SLC12A4: variants seen among roughly 807,000 people sequenced by gnomAD.
SLC12A4 encodes the protein electroneutral potassium-chloride cotransporter 1.
In SLC12A4, 84 loss-of-function variants were observed where a neutral mutation model predicts 119.2. The observed-to-expected ratio is 0.70, with a 90% confidence interval of 0.59 to 0.85. The LOEUF (loss-of-function observed/expected upper bound fraction) is 0.85. SLC12A4 is among the 40% of genes least tolerant of loss of function. SLC12A4 has a pLI of 0.00. For synonymous variants in SLC12A4, 599 were observed against 604.6 expected, an observed-to-expected ratio of 0.99 and a Z score of 0.14; for missense variants, 1,298 against 1,476.3, an observed-to-expected ratio of 0.88 and a Z score of 1.98.
chr16:67,954,726 C>T lies in SLC12A4; in HGVS notation c.592G>A (p.Gly198Arg). 1 of 1,614,190 alleles carries T rather than the reference C, an allele frequency of 6.2e-7. No individual in the cohort carries two copies. The highest frequency in any genetic ancestry group is 8.5e-7 in the Non-Finnish European group (1 of 1,180,038). Residue 198 changes from glycine to arginine, a missense_variant, in exon 6 of 24, where the codon GGA (glycine) becomes AGA (arginine). Physicochemically the swap from Gly to Arg is moderately radical, Grantham distance 125. Coordinates refer to ENST00000316341, the MANE Select transcript of SLC12A4 (RefSeq NM_005072.5). ...MISRSLGPEF[G>R]GAVGLCFYLG... ...TAGAAGCACAGGCCCACAGCACCTC[C>T]AAATTCTGGCCCCAGTGAACGAGAG...
rs141986035 is a variant in SLC12A4, at chr16:67,947,074, C to T, written c.2104G>A (p.Glu702Lys). ...CGCGGGTACTTCACGTGGAGGTCCT[C>T]GTCCAGCTTCAGCAGCACCAGCAGC... is the stretch of plus-strand genomic sequence containing the variant. The part of the protein sequence containing the change: ...PQLLVLLKLD[E>K]DLHVKYPRLL... The change falls in exon 17 of 24, where the codon GAG (glutamate) becomes AAG (lysine). Residue 702 changes from glutamate to lysine, a missense_variant. Coordinates refer to ENST00000316341, the MANE Select transcript of SLC12A4 (RefSeq NM_005072.5). 136 of 1,606,816 alleles carry T rather than the reference C, an allele frequency of 8.5e-5. No individual in the cohort carries two copies. The African/African-American group carries it at 1.3e-3, about 15-fold the overall frequency.
chr16:67,947,560 C>G, intron 15 of SLC12A4, 109 bp downstream of exon 15: 2 of 1,508,996 alleles, frequency 1.3e-6, no homozygotes, highest in South Asian at 1.3e-5. Context: ...AGTCCCCAGT[C>G]CTGGCACCCA....
In SLC12A4 at chr16:67,950,412, G is replaced by A; in HGVS notation, c.1536C>T (p.Phe512=). The change falls in exon 12 of 24, where the codon TTC becomes TTT. Residue 512 remains phenylalanine (F), a synonymous_variant. Transcript: ENST00000316341. This position sits in a 1 kb window ranked among gnomAD's most constrained non-coding sequence, Gnocchi z 4.3. ...PSPWVIVIGS[F]FSTCGAGLQS... ...GGAGGCCAGCGCCACACGTTGAAAA[G>A]AAGGAGCCGATGACGATGACCCAGG... 6.2e-7 allele frequency: 1 copy of A among 1,614,022 alleles called. No individual in the cohort carries two copies. The highest frequency in any genetic ancestry group is 8.5e-7 in the Non-Finnish European group (1 of 1,179,998).
At chr16:67,964,108 G>A (rs2030747952) in intron 1 of SLC12A4, 2 of 1,517,480 alleles carry the variant, frequency 1.3e-6, no homozygotes, top group Non-Finnish European at 1.8e-6. Flanking sequence ...CATGCCGGGA[G>A]GTGGGGCAAG....
At chr16:67,956,758 T>C (rs1271573861) in intron 5 of SLC12A4, among the ~76,000 whole-genome samples, 1 of 151,600 alleles carries the variant, frequency 6.6e-6, no homozygotes, top group East Asian at 1.9e-4. Context: ...CATACACACG[T>C]AAACATATAC....
Position 67,957,981 on chromosome 16 carries a change from T to A in SLC12A4, c.406A>T (p.Ile136Phe). 6.2e-7 allele frequency: 1 copy of A among 1,614,166 alleles called. No individual in the cohort carries two copies. ...LPCLQNIFGV[I>F]LFLRLTWMVG... Reference sequence around the variant, plus strand: ...ATCCAGGTCAGCCGCAGGAAGAGGATAACCCCAAAGATATTCTGCAGGCAG... The same window carrying A: ...ATCCAGGTCAGCCGCAGGAAGAGGAAAACCCCAAAGATATTCTGCAGGCAG... Residue 136 changes from isoleucine (I) to phenylalanine (F), a missense_variant, in exon 4 of 24, where the codon ATC becomes TTC. Ile to Phe is a conservative substitution (Grantham distance 21). Coordinates refer to ENST00000316341, the MANE Select transcript of SLC12A4 (RefSeq NM_005072.5).
Position 67,947,012 on chromosome 16 carries a change from C to T in SLC12A4, c.2166G>A (p.Lys722=), listed in dbSNP as rs1031496589. The T allele has an allele frequency of 6.2e-7, 1 of 1,613,166 alleles. No individual in the cohort carries two copies. Among genetic ancestry groups the T allele is most frequent in the Non-Finnish European group, 8.5e-7 (1 of 1,180,018 alleles). ...TGACAGAACCAACAATGGTCAGGCC[C>T]TTGCCAGCCTTGAGCTGGGAGGCGA... ...LTFASQLKAG[K]GLTIVGSVIQ... is the part of the protein sequence containing the mutation. The change falls in exon 17 of 24, where the codon AAG becomes AAA. Residue 722 remains lysine, a synonymous_variant. Transcript: ENST00000316341.
intron 5 of SLC12A4, among the ~76,000 whole-genome samples, chr16:67,957,215 G>C (rs1358779558): frequency 6.6e-6 from 1 of 150,906 alleles, no homozygotes; most frequent in Middle Eastern, 3.2e-3. Context: ...TGTCGCCCAG[G>C]CTGGAGTGCA....
At position 67,951,880 on chromosome 16, in the gene SLC12A4, G is replaced by A; in HGVS notation, c.1075C>T (p.Leu359Phe). The change falls in exon 8 of 24, where the codon CTC becomes TTC. Residue 359 changes from leucine to phenylalanine, a missense_variant. Coordinates refer to ENST00000316341, the MANE Select transcript of SLC12A4 (RefSeq NM_005072.5). This position sits in a 1 kb window ranked among gnomAD's most constrained non-coding sequence, Gnocchi z 5.2. ...TTDSCDPYFMLNNVTEIPGIP... is the reference protein window; with the variant it reads ...TTDSCDPYFMFNNVTEIPGIP... Reference sequence around the variant, plus strand: ...CCAGGGATCTCGGTCACATTGTTGAGCATGAAGTAGGGGTCACAGGAGTCG... The same window carrying A: ...CCAGGGATCTCGGTCACATTGTTGAACATGAAGTAGGGGTCACAGGAGTCG... The A allele has an allele frequency of 6.2e-7, 1 of 1,613,886 alleles. No homozygotes were observed. Among genetic ancestry groups the A allele is most frequent in the African/African-American group, 1.3e-5 (1 of 75,046 alleles).
At position 67,947,313 on chromosome 16, in the gene SLC12A4, G is replaced by A; in HGVS notation, c.2072+18C>T. ...CTAAGAACCTCTGCGCCCTGGCCAGGGTCTGGCGGGAACTCACCGCCAGTT... is the reference window on the plus strand; with the variant it reads ...CTAAGAACCTCTGCGCCCTGGCCAGAGTCTGGCGGGAACTCACCGCCAGTT... On this transcript the variant is annotated intron_variant, in intron 16 of 23. Transcript: ENST00000316341. 1 of 1,607,902 alleles carries A rather than the reference G, an allele frequency of 6.2e-7. No individual in the cohort carries two copies. The highest frequency in any genetic ancestry group is 8.5e-7 in the Non-Finnish European group (1 of 1,176,586).
rs770620661 is a variant in SLC12A4, at chr16:67,952,347, G to A, written c.754C>T (p.Arg252Cys). The A allele has an allele frequency of 3.3e-5, 54 of 1,613,966 alleles. No individual in the cohort carries two copies. The highest frequency in any genetic ancestry group is 1.3e-4 in the Admixed American group (8 of 59,994). ...DTSNATLNNM[R>C]VYGTIFLTFM... ...GTCAGGAAAATGGTCCCATACACAC[G>A]CATATTGTTCAAAGTGGCATTCGAC... Residue 252 changes from arginine to cysteine, a missense_variant, in exon 7 of 24, where the codon CGT becomes TGT. Coordinates refer to ENST00000316341, the MANE Select transcript of SLC12A4 (RefSeq NM_005072.5).
At chr16:67,945,669 C>A (rs1189288644) in intron 21 of SLC12A4, 95 bp downstream of exon 21, 2 of 1,492,110 alleles carry the variant, frequency 1.3e-6, no homozygotes, top group Admixed American at 3.5e-5. Context: ...GGTAGGGCTG[C>A]GGTGAGTCAT....
intron 17 of SLC12A4, 84 bp from the exon 18 acceptor site, chr16:67,946,717 C>T (rs749828289): frequency 1.0e-4 from 154 of 1,490,932 alleles, no homozygotes; most frequent in African/African-American, 1.7e-4. Context: ...GGGAACAAAA[C>T]GACTTTTGGG....
At position 67,945,115 on chromosome 16, in the gene SLC12A4, T is replaced by G. The variant is rs1399363134; in HGVS notation, c.3138A>C (p.Pro1046=). ...TCTCGTCGCCCTCACTGTTCCTGGG[T>G]GGGCCAGGCATGTTTAGGAGAACCA... ...ARLVLLNMPG[P]PRNSEGDENY... The change falls in exon 23 of 24, where the codon CCA becomes CCC. Residue 1046 remains proline, a synonymous_variant. Transcript: ENST00000316341. The G allele has an allele frequency of 6.3e-7, 1 of 1,592,754 alleles. No homozygotes were observed. The highest frequency in any genetic ancestry group is 1.7e-5 in the Admixed American group (1 of 57,248).
At chr16:67,954,868 G>A in intron 5 of SLC12A4, 95 bp from the exon 6 acceptor site, 1 of 1,498,282 alleles carries the variant, frequency 6.7e-7, no homozygotes, top group East Asian at 2.3e-5. Context: ...CAGAGGGACA[G>A]GGACTGCTTT....
rs959374036 is a variant in SLC12A4 at position 67,943,932 on chromosome 16, C to T, written c.*908G>A. On this transcript the variant is annotated 3_prime_UTR_variant, in exon 24 of 24. Transcript: ENST00000316341. This position sits in a 1 kb window ranked among gnomAD's most constrained non-coding sequence, Gnocchi z 4.6. ...AGGGTCTGGCGTGGTGCATCAGGGG[C>T]CTGGTGGGGGCTTACCGAGGATGAC... is the stretch of plus-strand genomic sequence containing the variant. 7 of 1,540,222 alleles carry T rather than the reference C, an allele frequency of 4.5e-6. No homozygotes were observed. The highest frequency in any genetic ancestry group is 6.1e-6 in the Non-Finnish European group (7 of 1,140,818).
chr16:67,944,915 C>G lies in SLC12A4; in HGVS notation c.3183G>C (p.Glu1061Asp), dbSNP rs561845884. ...EGDENYMEFL[E>D]VLTEGLERVL... ...CCCGCTCAAGGCCCTCGGTCAGCAC[C>G]TCGAGGAACTCCATGTCTGCAGGGC... is the stretch of plus-strand genomic sequence containing the variant. The change falls in exon 24 of 24, where the codon GAG becomes GAC. Residue 1061 changes from glutamate to aspartate, a missense_variant. Physicochemically the swap from Glu to Asp is conservative, Grantham distance 45. Coordinates refer to ENST00000316341, the MANE Select transcript of SLC12A4 (RefSeq NM_005072.5). The surrounding 1 kb of genome is among the most constrained non-coding windows in gnomAD (Gnocchi z 6.6). The G allele has an allele frequency of 6.2e-7, 1 of 1,613,468 alleles. No individual in the cohort carries two copies. Among genetic ancestry groups the G allele is most frequent in the Non-Finnish European group, 8.5e-7 (1 of 1,180,020 alleles).
intron 5 of SLC12A4, among the ~76,000 whole-genome samples, chr16:67,955,228 G>A (rs919411809): frequency 2.6e-5 from 4 of 152,236 alleles, no homozygotes; most frequent in Non-Finnish European, 5.9e-5. Context: ...CCTGCCACCA[G>A]GTGAGTGTCC....
At chr16:67,960,968 C>T (rs961171867) in intron 3 of SLC12A4, among the ~76,000 whole-genome samples, 6 of 152,022 alleles carry the variant, frequency 3.9e-5, no homozygotes, top group Admixed American at 6.5e-5. Context: ...GCCAACACTG[C>T]GAGCAGCAGG....
Sources: allele counts gnomAD v4.1 joint callset (sites outside exome capture counted in the v4.1 genomes callset), GRCh38; gene constraint gnomAD v4.1.1; non-coding constraint Gnocchi (gnomAD v3.1); transcripts MANE v1.5; gene names NCBI Gene and HGNC (gene_info 2026-07-23, HGNC 2026-07-21).